Variants in KCNQ1OT1 observed in about 807,000 individuals in gnomAD.
The protein encoded by KCNQ1OT1 is KCNQ1 opposite strand/antisense transcript 1, also known as KCNQ1 antisense RNA 2 (non-protein coding).
exon 1 of KCNQ1OT1, chr11:2,697,739 G>T (rs1457634507): frequency 2.5e-6 from 1 of 398,454 alleles, no homozygotes; most frequent in African/African-American, 2.1e-5. Context: ...AAGAATTGTT[G>T]TTTAATACAT....
chr11:2,652,538 G>T lies in KCNQ1OT1; in HGVS notation n.47457C>A. The T allele has an allele frequency of 2.5e-6, 1 of 398,598 alleles. No individual in the cohort carries two copies. Among genetic ancestry groups the T allele is most frequent in the Non-Finnish European group, 4.4e-6 (1 of 226,064 alleles). The allele number at this position is 398,598 out of a possible 1,614,324, so 24.7% of individuals were successfully genotyped here. Reference sequence around the variant, plus strand: ...GTGAGCTCAACTCTTGGAGAAGATAGTGCTTAACCCAGATTCCATTGTATA... The same window carrying T: ...GTGAGCTCAACTCTTGGAGAAGATATTGCTTAACCCAGATTCCATTGTATA... On this transcript the variant is annotated non_coding_transcript_exon_variant, in exon 1 of 1. Coordinates refer to ENST00000597346, the Ensembl canonical transcript of KCNQ1OT1. The surrounding 1 kb of genome is among the most constrained non-coding windows in gnomAD (Gnocchi z 5.9).
At chr11:2,699,277 C>T (rs78369463) in exon 1 of KCNQ1OT1, 5 of 398,792 alleles carry the variant, frequency 1.3e-5, no homozygotes, top group South Asian at 1.3e-4. Context: ...CCAGGCCAGG[C>T]TGCACTGCTG....
exon 1 of KCNQ1OT1, chr11:2,629,538 C>G (rs1048754916): frequency 5.0e-6 from 2 of 398,276 alleles, no homozygotes; most frequent in Non-Finnish European, 8.9e-6. Context: ...CGACTTCATT[C>G]TCTCACGTGA....
At chr11:2,686,444 AGTTTCCACAATT>A in exon 1 of KCNQ1OT1, 3 of 398,660 alleles carry the variant, frequency 7.5e-6, no homozygotes, top group Non-Finnish European at 1.3e-5. Context: ...TCCACTGCCA[AGTTTCCACAATT>A]GTTTTGAAAT....
exon 1 of KCNQ1OT1, chr11:2,630,120 A>G (rs903506964): frequency 4.5e-5 from 18 of 398,164 alleles, no homozygotes; most frequent in African/African-American, 2.3e-4. Context: ...CATAGTTTTT[A>G]TCATGGAAGG....
At chr11:2,635,304 T>C (rs1849444681) in exon 1 of KCNQ1OT1, 1 of 152,248 alleles carries the variant, frequency 6.6e-6, no homozygotes, top group Non-Finnish European at 1.5e-5. Context: ...CTAGGGTTTT[T>C]ACGGTTTTAG....
chr11:2,680,652 G>A, exon 1 of KCNQ1OT1: 1 of 398,528 alleles, frequency 2.5e-6, no homozygotes, highest in Non-Finnish European at 4.4e-6. Context: ...TGCATTGATA[G>A]TCTCACTACA....
exon 1 of KCNQ1OT1, chr11:2,641,525 T>C (rs1435133209): frequency 2.5e-6 from 1 of 398,392 alleles, no homozygotes; most frequent in African/African-American, 2.1e-5. Flanking sequence ...TCCTAGTATA[T>C]TCTGGTATTA....
exon 1 of KCNQ1OT1, chr11:2,686,137 T>G: frequency 2.5e-6 from 1 of 398,806 alleles, no homozygotes; most frequent in Non-Finnish European, 4.4e-6. Flanking sequence ...CTCGCCCCCT[T>G]GCTTCTGGGG....
chr11:2,648,430 ACTT>A, exon 1 of KCNQ1OT1: 1 of 398,368 alleles, frequency 2.5e-6, no homozygotes, highest in Non-Finnish European at 4.4e-6. Context: ...CCCTCATAGC[ACTT>A]CTTTTGTTGT....
chr11:2,631,841 G>A (rs1849357924), exon 1 of KCNQ1OT1: 1 of 398,532 alleles, frequency 2.5e-6, no homozygotes, highest in Non-Finnish European at 4.4e-6. Flanking sequence ...TGTAAATAGA[G>A]TTGTGTTAAT....
In KCNQ1OT1 at chr11:2,620,569, T is replaced by A. The variant is rs1303622600; in HGVS notation, n.79426A>T. The A allele has an allele frequency of 2.5e-6, 1 of 396,820 alleles. No individual in the cohort carries two copies. Among genetic ancestry groups the A allele is most frequent in the East Asian group, 3.6e-5 (1 of 28,010 alleles). 24.6% of individuals were successfully genotyped at this position (396,820 alleles called of 1,614,324 possible). ...TATTCCATGGTGTACATGTACCACA[T>A]TTTCTTTATCCAATCCACCACTGAT... On this transcript the variant is annotated non_coding_transcript_exon_variant, in exon 1 of 1. Transcript: ENST00000597346. The surrounding 1 kb of genome is among the most constrained non-coding windows in gnomAD (Gnocchi z 4.5).
At position 2,647,770 on chromosome 11, in the gene KCNQ1OT1, T is replaced by C. The variant is rs539852407; in HGVS notation, n.52225A>G. On this transcript the variant is annotated non_coding_transcript_exon_variant, in exon 1 of 1. Transcript: ENST00000597346. The surrounding 1 kb of genome is among the most constrained non-coding windows in gnomAD (Gnocchi z 4.0). Reference sequence around the variant, plus strand: ...TATCTCTTTCCTCTAGGTTTTCTAATTGTTGACATATAGTTGTTCATAATG... The same window carrying C: ...TATCTCTTTCCTCTAGGTTTTCTAACTGTTGACATATAGTTGTTCATAATG... 6.6e-4 allele frequency: 264 copies of C among 398,576 alleles called. 3 individuals are homozygous for C. The South Asian group carries it at 0.03, about 45-fold the overall frequency. 24.7% of individuals were successfully genotyped at this position (398,576 alleles called of 1,614,324 possible).
In KCNQ1OT1 at chr11:2,661,400, G is replaced by A. The variant is rs578204989; in HGVS notation, n.38595C>T. On this transcript the variant is annotated non_coding_transcript_exon_variant, in exon 1 of 1. Coordinates refer to ENST00000597346, the Ensembl canonical transcript of KCNQ1OT1. This position sits in a 1 kb window ranked among gnomAD's most constrained non-coding sequence, Gnocchi z 5.9. ...ATAATGTGAAGCCAGCTGTTGGAGG[G>A]ACTCCTGTGCCTCATTGGGGGTACA... 3.4e-4 allele frequency: 140 copies of A among 410,038 alleles called. 2 individuals are homozygous for A. The highest frequency in any genetic ancestry group is 2.7e-3 in the African/African-American group (131 of 48,950). 25.4% of individuals were successfully genotyped at this position (410,038 alleles called of 1,614,324 possible). A position where few individuals can be genotyped will look rare whatever the true frequency, so the allele number is the denominator to read the frequency against.
rs971557766 is a variant in KCNQ1OT1, at chr11:2,695,293, A to C, written n.4702T>G. On this transcript the variant is annotated non_coding_transcript_exon_variant, in exon 1 of 1. Coordinates refer to ENST00000597346, the Ensembl canonical transcript of KCNQ1OT1. The surrounding 1 kb of genome is among the most constrained non-coding windows in gnomAD (Gnocchi z 5.2). ...CCTCTATCCTTGCTCTCCTCCCTAC[A>C]CAAACAGCTTCTCCAGGGTAATTTA... The C allele has an allele frequency of 7.5e-6, 3 of 398,348 alleles. No homozygotes were observed. The highest frequency in any genetic ancestry group is 1.2e-3 in the Middle Eastern group (2 of 1,610). The allele number at this position is 398,348 out of a possible 1,614,324, so 24.7% of individuals were successfully genotyped here. A position where few individuals can be genotyped will look rare whatever the true frequency, so the allele number is the denominator to read the frequency against.
At chr11:2,628,584 C>T (rs1223953561) in exon 1 of KCNQ1OT1, 1 of 398,304 alleles carries the variant, frequency 2.5e-6, no homozygotes, top group African/African-American at 2.1e-5. Flanking sequence ...TCTCCCGCTA[C>T]ATGTGCTGCC....
chr11:2,623,815 G>A lies in KCNQ1OT1; in HGVS notation n.76180C>T, dbSNP rs1280315514. 8 of 398,434 alleles carry A rather than the reference G, an allele frequency of 2.0e-5. No individual in the cohort carries two copies. The highest frequency in any genetic ancestry group is 3.5e-5 in the Non-Finnish European group (8 of 226,048). The allele number at this position is 398,434 out of a possible 1,614,324, so 24.7% of individuals were successfully genotyped here. A position where few individuals can be genotyped will look rare whatever the true frequency, so the allele number is the denominator to read the frequency against. On this transcript the variant is annotated non_coding_transcript_exon_variant, in exon 1 of 1. Coordinates refer to ENST00000597346, the Ensembl canonical transcript of KCNQ1OT1. This position sits in a 1 kb window ranked among gnomAD's most constrained non-coding sequence, Gnocchi z 5.2. ...ATGTGATTGCTGAACTGCATGGTAA[G>A]AATATGTTTAATTTTATAAGAAACC...
At position 2,642,329 on chromosome 11, in the gene KCNQ1OT1, T is replaced by A; in HGVS notation, n.57666A>T. On this transcript the variant is annotated non_coding_transcript_exon_variant, in exon 1 of 1. Transcript: ENST00000597346. This position sits in a 1 kb window ranked among gnomAD's most constrained non-coding sequence, Gnocchi z 4.3. ...TTTTCCTTGTTAGAGGTTTCTCACC[T>A]CTTTGGTTAAACTCATTCCTAGATT... 2.5e-6 allele frequency: 1 copy of A among 398,296 alleles called. No individual in the cohort carries two copies. Among genetic ancestry groups the A allele is most frequent in the Admixed American group, 4.4e-5 (1 of 22,736 alleles). 24.7% of individuals were successfully genotyped at this position (398,296 alleles called of 1,614,324 possible).
At chr11:2,636,454 T>C (rs1436410434) in exon 1 of KCNQ1OT1, 3 of 152,218 alleles carry the variant, frequency 2.0e-5, no homozygotes, top group Non-Finnish European at 4.4e-5. Flanking sequence ...ATGTGGTTTT[T>C]GTCTTTGGTT....
Sources: allele counts gnomAD v4.1 joint callset, GRCh38; gene constraint gnomAD v4.1.1; non-coding constraint Gnocchi (gnomAD v3.1); transcripts MANE v1.5; gene names NCBI Gene and HGNC (gene_info 2026-07-23, HGNC 2026-07-21).